Variants in GRK5 observed in about 807,000 individuals in gnomAD.
GRK5 encodes the protein G protein-coupled receptor kinase 5.
GRK5 carries 40 observed loss-of-function variants against 78.4 expected under a neutral mutation model. The ratio of observed to expected loss-of-function variants is 0.51; its 90% CI spans 0.40 to 0.66. GRK5 has a LOEUF of 0.66. Among genes scored for constraint, GRK5 ranks in the 30% least tolerant of loss-of-function variants. The pLI is 0.00. For synonymous variants in GRK5, 289 were observed against 296.8 expected (o/e 0.97, Z 0.27); for missense variants, 598 against 759.9 (o/e 0.79, Z 2.50).
intron 3 of GRK5, among the ~76,000 whole-genome samples, chr10:119,385,614 T>G (rs1851781404): frequency 6.6e-6 from 1 of 152,148 alleles, no homozygotes; most frequent in African/African-American, 2.4e-5. Context: ...GAGACTTGTG[T>G]GGAAGGTGTA....
rs1224760856 is a variant in GRK5, at chr10:119,232,627, C to T, written c.52+24658C>T. Among the ~76,000 whole-genome samples the T allele has an allele frequency of 2.0e-5, 3 of 152,228 alleles. No individual in the cohort carries two copies. In the East Asian group the frequency reaches 5.8e-4, roughly 29 times the overall value. On this transcript the variant is annotated intron_variant, in intron 1 of 15. Coordinates refer to ENST00000392870, the MANE Select transcript of GRK5 (RefSeq NM_005308.3). ...CTCGTGATAGTAAGTCTCACAAGAT[C>T]TGATGGTTATTATAAAGGGGAGTTT...
intron 1 of GRK5, among the ~76,000 whole-genome samples, chr10:119,261,927 GGA>G (rs1172488820): frequency 1.3e-5 from 2 of 152,064 alleles, no homozygotes; most frequent in Non-Finnish European, 2.9e-5. Context: ...AGAGGGAGAG[GGA>G]GAGGGAGAGG....
Position 119,412,467 on chromosome 10 carries a change from C to G in GRK5, c.340-10699C>G, listed in dbSNP as rs781678858. Among the ~76,000 whole-genome samples the G allele has an allele frequency of 6.6e-6, 1 of 152,176 alleles. No homozygotes were observed. The highest frequency in any genetic ancestry group is 1.5e-5 in the Non-Finnish European group (1 of 68,036). On this transcript the variant is annotated intron_variant, in intron 4 of 15. Coordinates refer to ENST00000392870, the MANE Select transcript of GRK5 (RefSeq NM_005308.3). This position sits in a 1 kb window ranked among gnomAD's most constrained non-coding sequence, Gnocchi z 4.3. Reference sequence around the variant, plus strand: ...GGACAGGCCACGAGCCCGCACAGCTCGTGAGCGTGTGGCCGGACTGATTTA... The same window carrying G: ...GGACAGGCCACGAGCCCGCACAGCTGGTGAGCGTGTGGCCGGACTGATTTA...
chr10:119,285,241 C>T (rs1397573621), intron 1 of GRK5, among the ~76,000 whole-genome samples: 2 of 152,112 alleles, frequency 1.3e-5, no homozygotes, highest in Non-Finnish European at 2.9e-5. Flanking sequence ...AGGGGGAGCA[C>T]TAAGGGACTC....
At chr10:119,402,533 C>T (rs2133860650) in intron 4 of GRK5, among the ~76,000 whole-genome samples, 1 of 152,296 alleles carries the variant, frequency 6.6e-6, no homozygotes, top group Middle Eastern at 3.4e-3. Flanking sequence ...TATATTTCAT[C>T]CAGCATTACA....
At position 119,452,281 on chromosome 10, in the gene GRK5, T is replaced by A. The variant is rs1342013213; in HGVS notation, c.1405-390T>A. 6.6e-6 allele frequency among the ~76,000 whole-genome samples: 1 copy of A among 152,160 alleles called. No homozygotes were observed. The highest frequency in any genetic ancestry group is 1.5e-5 in the Non-Finnish European group (1 of 68,010). Reference sequence around the variant, plus strand: ...TTCCTAAGCCCCACAGCTGGGACTCTAGCCCACGTCTGTCCAGTATGGGTA... The same window carrying A: ...TTCCTAAGCCCCACAGCTGGGACTCAAGCCCACGTCTGTCCAGTATGGGTA... On this transcript the variant is annotated intron_variant, in intron 13 of 15. Transcript: ENST00000392870. The surrounding 1 kb of genome is among the most constrained non-coding windows in gnomAD (Gnocchi z 4.4).
At position 119,267,169 on chromosome 10, in the gene GRK5, C is replaced by T. The variant is rs571273498; in HGVS notation, c.52+59200C>T. Among the ~76,000 whole-genome samples, 43 of 151,008 alleles carry T rather than the reference C, an allele frequency of 2.8e-4. No individual in the cohort carries two copies. Among genetic ancestry groups the T allele is most frequent in the Middle Eastern group, 3.4e-3 (1 of 294 alleles). ...GAGGAAGGAGAATTGCTTGAACCTG[C>T]GAGGCGGAGGTTGCAGCGAGCCGAG... On this transcript the variant is annotated intron_variant, in intron 1 of 15. Transcript: ENST00000392870. The surrounding 1 kb of genome is among the most constrained non-coding windows in gnomAD (Gnocchi z 4.1).
rs79414661 is a variant in GRK5 at position 119,312,311 on chromosome 10, G to A, written c.53-14205G>A. 2.8e-3 allele frequency among the ~76,000 whole-genome samples: 432 copies of A among 152,290 alleles called. 2 individuals carry two copies. Among genetic ancestry groups the A allele is most frequent in the African/African-American group, 9.8e-3 (408 of 41,560 alleles). ...GATCAGGGTCAGCCTCATGGAGAACGTGAGAGCTGTGCAAAAGCTGCAAGG... is the reference window on the plus strand; with the variant it reads ...GATCAGGGTCAGCCTCATGGAGAACATGAGAGCTGTGCAAAAGCTGCAAGG... On this transcript the variant is annotated intron_variant, in intron 1 of 15. Transcript: ENST00000392870.
At chr10:119,389,418 G>A (rs570438535) in intron 3 of GRK5, among the ~76,000 whole-genome samples, 1 of 152,290 alleles carries the variant, frequency 6.6e-6, no homozygotes, top group Non-Finnish European at 1.5e-5. Context: ...TTTTTCAGGT[G>A]CACATAGAGA....
intron 1 of GRK5, among the ~76,000 whole-genome samples, chr10:119,219,224 T>C (rs559651240): frequency 1.3e-5 from 2 of 152,184 alleles, no homozygotes; most frequent in East Asian, 3.9e-4. Context: ...ACATGATGCA[T>C]ACAAAATGAT....
chr10:119,411,515 AT>A, intron 4 of GRK5, among the ~76,000 whole-genome samples: 1 of 152,314 alleles, frequency 6.6e-6, no homozygotes, highest in South Asian at 2.1e-4. Context: ...ACAAGGGAAG[AT>A]CCAGAGTTTC....
At position 119,207,963 on chromosome 10, in the gene GRK5, A is replaced by G; in HGVS notation, c.46A>G (p.Arg16Gly). The G allele has an allele frequency of 6.2e-7, 1 of 1,604,542 alleles. No homozygotes were observed. ...GGCCAACACGGTCTTGCTGAAAGCC[A>G]GGGAAGGTAAGAGGCAGGGCCGGTA... ...IVANTVLLKA[R>G]EGGGGKRKGK... The change falls in exon 1 of 16, where the codon AGG becomes GGG. Residue 16 changes from arginine (R) to glycine (G), a missense_variant. Physicochemically the swap from Arg to Gly is moderately radical, Grantham distance 125. Coordinates refer to ENST00000392870, the MANE Select transcript of GRK5 (RefSeq NM_005308.3).
chr10:119,243,774 G>A (rs1224922062), intron 1 of GRK5, among the ~76,000 whole-genome samples: 1 of 152,168 alleles, frequency 6.6e-6, no homozygotes, highest in Non-Finnish European at 1.5e-5. Context: ...ACTTACTGAA[G>A]AAGGGGATGA....
At chr10:119,307,860 C>T (rs538146924) in intron 1 of GRK5, among the ~76,000 whole-genome samples, 1 of 152,244 alleles carries the variant, frequency 6.6e-6, no homozygotes, top group East Asian at 1.9e-4. Context: ...TTGGCCATTT[C>T]ACAATTCAAG....
At chr10:119,290,367 A>AC (rs1554903198) in intron 1 of GRK5, among the ~76,000 whole-genome samples, 16 of 137,598 alleles carry the variant, frequency 1.2e-4, no homozygotes, top group Admixed American at 4.7e-4. Context: ...AAAAAAACAA[A>AC]AAACAACTCT....
At chr10:119,362,157 G>T (rs555109617) in intron 2 of GRK5, among the ~76,000 whole-genome samples, 5 of 152,328 alleles carry the variant, frequency 3.3e-5, no homozygotes, top group African/African-American at 1.2e-4. Flanking sequence ...ACAATCTGGT[G>T]TTTAATCATT....
rs191817518 is a variant in GRK5, at chr10:119,407,935, G to A, written c.339+11163G>A. ...TTCCAGCACTTTGGGAGGCCAAGGCGGGCAAATCAGCTGAGGTCGGGAGTT... is the reference window on the plus strand; with the variant it reads ...TTCCAGCACTTTGGGAGGCCAAGGCAGGCAAATCAGCTGAGGTCGGGAGTT... On this transcript the variant is annotated intron_variant, in intron 4 of 15. Transcript: ENST00000392870. Among the ~76,000 whole-genome samples, 867 of 152,222 alleles carry A rather than the reference G, an allele frequency of 5.7e-3. 2 individuals carry two copies. Among genetic ancestry groups the A allele is most frequent in the Non-Finnish European group, 9.8e-3 (668 of 68,010 alleles).
chr10:119,245,017 C>T (rs1290543593), intron 1 of GRK5, among the ~76,000 whole-genome samples: 2 of 152,134 alleles, frequency 1.3e-5, no homozygotes, highest in African/African-American at 2.4e-5. Flanking sequence ...GTGGCTCGCA[C>T]CTGTAATCCC....
chr10:119,291,681 TTCC>T (rs1221830474), intron 1 of GRK5, among the ~76,000 whole-genome samples: 1 of 137,662 alleles, frequency 7.3e-6, no homozygotes, highest in African/African-American at 2.7e-5. Flanking sequence ...CCTTCTCTTC[TTCC>T]TCCTCATCCT....
Sources: allele counts gnomAD v4.1 joint callset (sites outside exome capture counted in the v4.1 genomes callset), GRCh38; gene constraint gnomAD v4.1.1; non-coding constraint Gnocchi (gnomAD v3.1); transcripts MANE v1.5; gene names NCBI Gene and HGNC (gene_info 2026-07-23, HGNC 2026-07-21).